USP48: variants seen among roughly 807,000 people sequenced by gnomAD.
USP48 encodes ubiquitin specific peptidase 48, also known as ubiquitin carboxyl-terminal hydrolase 48.
In USP48, 43 loss-of-function variants were observed where a neutral mutation model predicts 150.7. That is an observed-to-expected ratio of 0.29 (90% CI 0.22 to 0.37). The LOEUF (loss-of-function observed/expected upper bound fraction) is 0.37. Among genes scored for constraint, USP48 ranks in the 10% least tolerant of loss-of-function variants. The pLI is 1.00. For missense variants in USP48, 813 were observed against 1,249.6 expected (o/e 0.65, Z 5.27); for synonymous variants, 396 against 425.9 (o/e 0.93, Z 0.86).
At chr1:21,737,496 T>A (rs182170385) in intron 8 of USP48, among the ~76,000 whole-genome samples, 1 of 152,158 alleles carries the variant, frequency 6.6e-6, no homozygotes, top group African/African-American at 2.4e-5. Context: ...CATCAAAATA[T>A]TGACAATAAA....
At chr1:21,772,287 G>C (rs1280681399) in intron 1 of USP48, among the ~76,000 whole-genome samples, 1 of 151,966 alleles carries the variant, frequency 6.6e-6, no homozygotes, top group African/African-American at 2.4e-5. Context: ...AGCCCACAAA[G>C]CCCAAATATA....
At chr1:21,723,240 C>T (rs1366598246) in intron 12 of USP48, among the ~76,000 whole-genome samples, 4 of 151,974 alleles carry the variant, frequency 2.6e-5, no homozygotes, top group Non-Finnish European at 4.4e-5. Context: ...CATAGCTGGG[C>T]GGGTGTGGTG....
intron 23 of USP48, among the ~76,000 whole-genome samples, chr1:21,694,117 G>A (rs1419871611): frequency 1.3e-5 from 2 of 152,084 alleles, no homozygotes; most frequent in Admixed American, 1.3e-4. Context: ...CTTCAGTATT[G>A]ATACCAAGAA....
At chr1:21,696,468 G>T (rs190702408) in intron 22 of USP48, among the ~76,000 whole-genome samples, 239 of 152,226 alleles carry the variant, frequency 1.6e-3, no homozygotes, top group Non-Finnish European at 1.1e-3. Flanking sequence ...AAAGAAAGCG[G>T]GTGCGGAGAC....
chr1:21,782,704 C>T, intron 1 of USP48, 120 bp downstream of exon 1: 2 of 1,373,012 alleles, frequency 1.5e-6, no homozygotes, highest in Middle Eastern at 2.7e-4. Context: ...AACTCCACCT[C>T]GCTCGGCTCC....
At chr1:21,744,804 G>GAAAAAAAAA (rs2097790606) in intron 8 of USP48, among the ~76,000 whole-genome samples, 1 of 74,776 alleles carries the variant, frequency 1.3e-5, no homozygotes, top group Non-Finnish European at 3.1e-5. Flanking sequence ...AAAAAAAAAT[G>GAAAAAAAAA]CTAAGCTTTT....
chr1:21,740,875 AAAACTCTATAAAT>A, intron 8 of USP48, among the ~76,000 whole-genome samples: 1 of 152,386 alleles, frequency 6.6e-6, no homozygotes, highest in South Asian at 2.1e-4. Flanking sequence ...ACCGACAGTC[AAAACTCTATAAAT>A]GGTTTAACCT....
At chr1:21,689,781 A>C (rs2097591935) in intron 24 of USP48, among the ~76,000 whole-genome samples, 193 bp downstream of exon 24, 1 of 152,110 alleles carries the variant, frequency 6.6e-6, no homozygotes, top group African/African-American at 2.4e-5. Flanking sequence ...AAGATAGATG[A>C]TGTCCTGACC....
rs2097918386 is a variant in USP48 at position 21,782,986 on chromosome 1, C to A, written c.-29G>T. ...CTTGGCCCCAGGAACGCCTCCCGAG[C>A]CAGACCGCCGCAGCCGCCGCCGCGG... On this transcript the variant is annotated 5_prime_UTR_variant, in exon 1 of 27. Coordinates refer to ENST00000308271, the MANE Select transcript of USP48 (RefSeq NM_032236.8). The A allele has an allele frequency of 2.0e-6, 3 of 1,501,536 alleles. No individual in the cohort carries two copies. Among genetic ancestry groups the A allele is most frequent in the African/African-American group, 1.5e-5 (1 of 68,904 alleles). The allele number at this position is 1,501,536 out of a possible 1,614,324, so 93.0% of individuals were successfully genotyped here.
At chr1:21,738,791 CA>C (rs1260430077) in intron 8 of USP48, among the ~76,000 whole-genome samples, 2 of 151,946 alleles carry the variant, frequency 1.3e-5, no homozygotes, top group African/African-American at 2.4e-5. Flanking sequence ...ATTAGACAAA[CA>C]GTAAACATAC....
intron 25 of USP48, among the ~76,000 whole-genome samples, chr1:21,685,737 C>T (rs1269437118): frequency 6.6e-6 from 1 of 152,204 alleles, no homozygotes; most frequent in East Asian, 1.9e-4. Context: ...ACTTTGTACA[C>T]TGATTTTTGT....
Position 21,752,918 on chromosome 1 carries a change from C to T in USP48, c.540+74G>A. 6 of 1,480,944 alleles carry T rather than the reference C, an allele frequency of 4.1e-6. No homozygotes were observed. In the South Asian group the frequency reaches 8.0e-5, roughly 20 times the overall value. 91.7% of individuals were successfully genotyped at this position (1,480,944 alleles called of 1,614,324 possible). ...ATTTTTAAAAAGCATTCTACTTCAT[C>T]TCCCTTTATAAACATGCTTAGGATG... On this transcript the variant is annotated intron_variant, in intron 4 of 26. Coordinates refer to ENST00000308271, the MANE Select transcript of USP48 (RefSeq NM_032236.8).
At chr1:21,766,693 A>C (rs1279108269) in intron 1 of USP48, among the ~76,000 whole-genome samples, 1 of 152,034 alleles carries the variant, frequency 6.6e-6, no homozygotes, top group African/African-American at 2.4e-5. Flanking sequence ...CTTAGTTTTT[A>C]TTTATTTATT....
intron 25 of USP48, among the ~76,000 whole-genome samples, chr1:21,685,520 G>A (rs1028411158): frequency 2.3e-4 from 35 of 152,126 alleles, no homozygotes; most frequent in African/African-American, 8.2e-4. Context: ...TCGCCATGTT[G>A]GCCAGGCTGG....
intron 8 of USP48, among the ~76,000 whole-genome samples, chr1:21,744,213 G>T (rs2097788661): frequency 1.3e-5 from 2 of 152,106 alleles, no homozygotes; most frequent in Non-Finnish European, 2.9e-5. Context: ...GGAGGCCGAG[G>T]TGGGCAGATC....
intron 1 of USP48, among the ~76,000 whole-genome samples, chr1:21,761,667 T>C (rs1489239653): frequency 6.6e-6 from 1 of 152,150 alleles, no homozygotes; most frequent in African/African-American, 2.4e-5. Flanking sequence ...AGGCAGAAGA[T>C]GGCCTAAGCC....
chr1:21,719,336 CA>C (rs2097713411), intron 14 of USP48, among the ~76,000 whole-genome samples: 1 of 151,376 alleles, frequency 6.6e-6, no homozygotes, highest in East Asian at 1.9e-4. Flanking sequence ...AAAAACTCTT[CA>C]AGTTTGAAAA....
At chr1:21,778,305 T>C (rs2097905215) in intron 1 of USP48, among the ~76,000 whole-genome samples, 1 of 152,006 alleles carries the variant, frequency 6.6e-6, no homozygotes, top group African/African-American at 2.4e-5. Flanking sequence ...TGATTAGTCA[T>C]CAATGAAACA....
At chr1:21,765,866 G>A (rs886285687) in intron 1 of USP48, among the ~76,000 whole-genome samples, 1 of 126,730 alleles carries the variant, frequency 7.9e-6, no homozygotes, top group Non-Finnish European at 1.6e-5. Flanking sequence ...ATCCCATGGT[G>A]CTCCGGCCTG....
Sources: allele counts gnomAD v4.1 joint callset (sites outside exome capture counted in the v4.1 genomes callset), GRCh38; gene constraint gnomAD v4.1.1; transcripts MANE v1.5; gene names NCBI Gene and HGNC (gene_info 2026-07-23, HGNC 2026-07-21).